Variants in MBD2 observed in about 807,000 individuals in gnomAD.
MBD2 encodes methyl-CpG binding domain protein 2.
In MBD2, 9 loss-of-function variants were observed where a neutral mutation model predicts 39.3. The ratio of observed to expected loss-of-function variants is 0.23; its 90% CI spans 0.14 to 0.40. The LOEUF is 0.40. Ranked by LOEUF, MBD2 falls within the 10% of genes least tolerant of loss-of-function variation. The probability of loss-of-function intolerance (pLI) is 1.00; values close to 1 mark genes in which losing one functional copy is unlikely to be tolerated. For synonymous variants in MBD2, 233 were observed against 211.1 expected (o/e 1.10, Z -0.90); for missense variants, 458 against 532.6 (o/e 0.86, Z 1.38).
chr18:54,223,983 A>AGTC, intron 1 of MBD2, 35 bp downstream of exon 1: 10 of 745,310 alleles, frequency 1.3e-5, no homozygotes, highest in Non-Finnish European at 2.2e-5. Flanking sequence ...CCCCGGCCTG[A>AGTC]CCCCGCCACC....
intron 3 of MBD2, among the ~76,000 whole-genome samples, chr18:54,186,449 A>T (rs1465768899): frequency 6.6e-6 from 1 of 152,184 alleles, no homozygotes; most frequent in Non-Finnish European, 1.5e-5. Context: ...GCTGATTAGC[A>T]GTCATCTACC....
rs764294956 is a variant in MBD2, at chr18:54,153,583, G to C, written c.*1741C>G. ...AAGAATATATGATCACCAAGGTGAA[G>C]TTACCCCAACCCTGATCACAAATGA... On this transcript the variant is annotated 3_prime_UTR_variant, in exon 7 of 7. Coordinates refer to ENST00000256429, the MANE Select transcript of MBD2 (RefSeq NM_003927.5). 1.3e-5 allele frequency: 2 copies of C among 152,238 alleles called. No homozygotes were observed. Among genetic ancestry groups the C allele is most frequent in the Non-Finnish European group, 2.9e-5 (2 of 68,048 alleles). 9.4% of individuals were successfully genotyped at this position (152,238 alleles called of 1,614,324 possible).
rs2086041293 is a variant in MBD2 at position 54,154,755 on chromosome 18, A to T, written c.*569T>A. ...TCCATGTCAAACCTAAGGCCCAGGG[A>T]TCAGAGTTGAATGTAAATCAGAGGA... is the stretch of plus-strand genomic sequence containing the variant. On this transcript the variant is annotated 3_prime_UTR_variant, in exon 7 of 7. Coordinates refer to ENST00000256429, the MANE Select transcript of MBD2 (RefSeq NM_003927.5). 1 of 152,622 alleles carries T rather than the reference A, an allele frequency of 6.6e-6. No homozygotes were observed. Among genetic ancestry groups the T allele is most frequent in the African/African-American group, 2.4e-5 (1 of 41,458 alleles). The allele number at this position is 152,622 out of a possible 1,614,324, so 9.5% of individuals were successfully genotyped here. A position where few individuals can be genotyped will look rare whatever the true frequency, so the allele number is the denominator to read the frequency against.
At chr18:54,183,772 A>AT (rs1568084302) in intron 3 of MBD2, among the ~76,000 whole-genome samples, 1 of 152,106 alleles carries the variant, frequency 6.6e-6, no homozygotes, top group East Asian at 1.9e-4. Context: ...GAAGTGGATA[A>AT]TTTTTTTTAA....
In MBD2 at chr18:54,224,494, G is replaced by A. The variant is rs2086645878; in HGVS notation, c.66C>T (p.Gly22=). 8.1e-7 allele frequency: 1 copy of A among 1,231,598 alleles called. No individual in the cohort carries two copies. The highest frequency in any genetic ancestry group is 3.9e-5 in the South Asian group (1 of 25,788). 76.3% of individuals were successfully genotyped at this position (1,231,598 alleles called of 1,614,324 possible). Residue 22 remains glycine (G), a synonymous_variant, in exon 1 of 7, where the codon GGC becomes GGT. Transcript: ENST00000256429. ...CGGAGTCGCCGCCAGCGCCGCTGCC[G>A]CCCGCCGCACTCTCCCCCTCCTCCT... ...PEQEEGESAA[G]GSGAGGDSAI... is the part of the protein sequence containing the mutation.
intron 2 of MBD2, among the ~76,000 whole-genome samples, chr18:54,199,361 T>C (rs1018304231): frequency 6.6e-6 from 1 of 152,226 alleles, no homozygotes; most frequent in African/African-American, 2.4e-5. Context: ...CCACATTCTC[T>C]TGATTCTCCT....
intron 3 of MBD2, among the ~76,000 whole-genome samples, chr18:54,167,361 G>A (rs1055479260): frequency 6.7e-4 from 102 of 152,240 alleles, no homozygotes; most frequent in African/African-American, 2.2e-3. Flanking sequence ...CTAGATAGAC[G>A]ACCTTGGACA....
At chr18:54,174,973 T>C (rs2086201626) in intron 3 of MBD2, among the ~76,000 whole-genome samples, 2 of 152,246 alleles carry the variant, frequency 1.3e-5, no homozygotes, top group Non-Finnish European at 2.9e-5. Context: ...GACAGGTTTA[T>C]TTGGAACATG....
intron 1 of MBD2, among the ~76,000 whole-genome samples, chr18:54,223,234 T>G (rs1449358071): frequency 6.6e-6 from 1 of 152,258 alleles, no homozygotes; most frequent in Non-Finnish European, 1.5e-5. Flanking sequence ...AAGATTACAC[T>G]AAGGTGAAAA....
chr18:54,223,527 G>T (rs1293571373), intron 1 of MBD2, among the ~76,000 whole-genome samples: 2 of 152,162 alleles, frequency 1.3e-5, no homozygotes, highest in Admixed American at 6.5e-5. Flanking sequence ...ATACCAAGAA[G>T]TTCCAAAAAA....
intron 3 of MBD2, among the ~76,000 whole-genome samples, chr18:54,180,903 C>CTTTTTTTTTTTTTTTTTTTTTTTT (rs1189903798): frequency 4.0e-5 from 2 of 49,876 alleles, no homozygotes; most frequent in African/African-American, 1.2e-4. Context: ...TTTTCTTTTT[C>CTTTTTTTTTTTTTTTTTTTTTTTT]TTTTTTTTTT....
intron 3 of MBD2, among the ~76,000 whole-genome samples, chr18:54,178,765 C>T (rs1343811382): frequency 6.6e-6 from 1 of 152,012 alleles, no homozygotes; most frequent in Non-Finnish European, 1.5e-5. Flanking sequence ...AAAGGTCTCC[C>T]CAATACCTCA....
At chr18:54,210,990 G>A (rs1195216414) in intron 1 of MBD2, among the ~76,000 whole-genome samples, 1 of 145,704 alleles carries the variant, frequency 6.9e-6, no homozygotes, top group Non-Finnish European at 1.5e-5. Context: ...TCCTGCCTCA[G>A]CCTCCCAAGT....
intron 3 of MBD2, among the ~76,000 whole-genome samples, chr18:54,167,004 A>G (rs1042385917): frequency 3.3e-5 from 5 of 152,136 alleles, no homozygotes; most frequent in Non-Finnish European, 7.3e-5. Flanking sequence ...TGCTGTGCTC[A>G]CCCTGCAGAT....
intron 3 of MBD2, among the ~76,000 whole-genome samples, chr18:54,176,346 C>T (rs115360228): frequency 0.017 from 2,518 of 152,324 alleles, 68 homozygotes; most frequent in African/African-American, 0.057. Flanking sequence ...GTTATCAAAA[C>T]ACTAATAAAA....
At chr18:54,182,299 A>C (rs1399214995) in intron 3 of MBD2, among the ~76,000 whole-genome samples, 1 of 152,218 alleles carries the variant, frequency 6.6e-6, no homozygotes, top group South Asian at 2.1e-4. Context: ...ACACTAAGGA[A>C]TGTCTCTAAA....
At chr18:54,192,257 G>A (rs749084230) in intron 2 of MBD2, among the ~76,000 whole-genome samples, 9 of 152,122 alleles carry the variant, frequency 5.9e-5, no homozygotes, top group Admixed American at 2.0e-4. Flanking sequence ...TTCTTGAGAC[G>A]GAGTCTTGCT....
intron 2 of MBD2, among the ~76,000 whole-genome samples, chr18:54,198,450 C>T (rs1325730603): frequency 6.6e-6 from 1 of 152,206 alleles, no homozygotes; most frequent in Non-Finnish European, 1.5e-5. Flanking sequence ...TGCTGTGGCT[C>T]ACGCCTGTAA....
intron 3 of MBD2, among the ~76,000 whole-genome samples, chr18:54,170,865 T>G (rs1158179062): frequency 6.6e-6 from 1 of 152,152 alleles, no homozygotes; most frequent in African/African-American, 2.4e-5. Flanking sequence ...AAAAGACTAT[T>G]CCAACCCAAG....
Sources: gnomAD v4.1 joint callset for allele counts (sites outside exome capture counted in the v4.1 genomes callset) on GRCh38, gnomAD v4.1.1 for gene constraint, MANE v1.5 for transcripts, NCBI Gene and HGNC (gene_info 2026-07-23, HGNC 2026-07-21) for gene names.